The following TPD52 variants were observed in gnomAD, a reference collection of about 807,000 sequenced individuals.
The protein encoded by TPD52 is tumor protein D52.
Under a neutral mutation model 31.3 loss-of-function variants are expected in TPD52, and 17 were observed. The ratio of observed to expected loss-of-function variants is 0.54; its 90% CI spans 0.37 to 0.82. The LOEUF is 0.82. TPD52 is among the 40% of genes least tolerant of loss of function. TPD52 has a pLI of 0.00. For synonymous variants in TPD52, 83 were observed against 89.6 expected (o/e 0.93, Z 0.42); for missense variants, 212 against 240.1 (o/e 0.88, Z 0.77).
At chr8:80,146,446 T>C (rs1483122042) in intron 1 of TPD52, among the ~76,000 whole-genome samples, 2 of 152,220 alleles carry the variant, frequency 1.3e-5, no homozygotes, top group East Asian at 1.9e-4. Flanking sequence ...CATTTATGAT[T>C]TTCCTAGCAA....
chr8:80,130,966 A>G (rs1808977294), intron 1 of TPD52, among the ~76,000 whole-genome samples: 1 of 152,242 alleles, frequency 6.6e-6, no homozygotes, highest in African/African-American at 2.4e-5. Context: ...TCTAGGAAGA[A>G]AGTAATTTAC....
chr8:80,128,507 A>C (rs1294123269), intron 1 of TPD52, among the ~76,000 whole-genome samples: 1 of 149,996 alleles, frequency 6.7e-6, no homozygotes, highest in Non-Finnish European at 1.5e-5. Context: ...AAAAAAAAAA[A>C]AAAAATGCTG....
intron 2 of TPD52, among the ~76,000 whole-genome samples, chr8:80,054,950 G>T (rs1811723711): frequency 6.6e-6 from 1 of 152,104 alleles, no homozygotes; most frequent in South Asian, 2.1e-4. Flanking sequence ...AAAGAATAAG[G>T]TTCAAAATTA....
intron 2 of TPD52, 66 bp from the exon 3 acceptor site, chr8:80,053,496 C>T (rs138854603): frequency 6.6e-7 from 1 of 1,508,086 alleles, no homozygotes; most frequent in African/African-American, 1.4e-5. Context: ...ATTATTACCA[C>T]AGAACTACAT....
At chr8:80,093,795 C>G (rs1267517505) in intron 1 of TPD52, among the ~76,000 whole-genome samples, 1 of 152,208 alleles carries the variant, frequency 6.6e-6, no homozygotes, top group African/African-American at 2.4e-5. Flanking sequence ...GCTTCACCAT[C>G]TGAACCTGCT....
In TPD52 at chr8:80,110,127, C is replaced by T. The variant is rs142454361; in HGVS notation, c.20-45534G>A. On this transcript the variant is annotated intron_variant, in intron 1 of 7. Coordinates refer to ENST00000518937, the MANE Select transcript of TPD52 (RefSeq NM_001025253.3). ...CTAATCACCCTCTGGACTCAGAGACCGAATTTATGATTTGTTCTTATCATT... is the reference window on the plus strand; with the variant it reads ...CTAATCACCCTCTGGACTCAGAGACTGAATTTATGATTTGTTCTTATCATT... 9.1e-3 allele frequency among the ~76,000 whole-genome samples: 1,390 copies of T among 152,164 alleles called. 15 individuals carry two copies. Among genetic ancestry groups the T allele is most frequent in the Non-Finnish European group, 0.014 (962 of 67,994 alleles).
chr8:80,106,459 C>A (rs1393919084), intron 1 of TPD52, among the ~76,000 whole-genome samples: 1 of 152,056 alleles, frequency 6.6e-6, no homozygotes, highest in East Asian at 1.9e-4. Flanking sequence ...CGGGTTCACG[C>A]CATTCTCCTG....
At chr8:80,114,973 G>GGCCC (rs1380051680) in intron 1 of TPD52, among the ~76,000 whole-genome samples, 20 of 152,230 alleles carry the variant, frequency 1.3e-4, no homozygotes, top group African/African-American at 4.6e-4. Context: ...GCTAACTGAG[G>GGCCC]GCCCTGATGG....
At chr8:80,068,411 C>T (rs1813404266) in intron 1 of TPD52, among the ~76,000 whole-genome samples, 1 of 152,144 alleles carries the variant, frequency 6.6e-6, no homozygotes, top group Admixed American at 6.5e-5. Context: ...TCCATAGAAA[C>T]GTTTTACTTT....
chr8:80,151,568 CA>C (rs1810569786), intron 1 of TPD52, among the ~76,000 whole-genome samples: 2 of 152,064 alleles, frequency 1.3e-5, no homozygotes, highest in Admixed American at 1.3e-4. Context: ...AGTAGATCCC[CA>C]AAAAAAGATC....
At chr8:80,058,775 G>T (rs979423359) in intron 2 of TPD52, among the ~76,000 whole-genome samples, 1 of 152,138 alleles carries the variant, frequency 6.6e-6, no homozygotes, top group Non-Finnish European at 1.5e-5. Flanking sequence ...TCCAGCCTGG[G>T]CAACAACAGA....
At chr8:80,099,363 A>C (rs1371477228) in intron 1 of TPD52, among the ~76,000 whole-genome samples, 2 of 152,200 alleles carry the variant, frequency 1.3e-5, no homozygotes, top group Non-Finnish European at 2.9e-5. Context: ...CATTTATGAA[A>C]AAACAAACAA....
intron 1 of TPD52, among the ~76,000 whole-genome samples, chr8:80,150,926 C>A (rs1810527932): frequency 6.6e-6 from 1 of 152,128 alleles, no homozygotes. Flanking sequence ...CCATTATTGG[C>A]TTTGCAATGT....
intron 1 of TPD52, among the ~76,000 whole-genome samples, chr8:80,119,002 G>A (rs1332604307): frequency 5.3e-5 from 8 of 152,130 alleles, no homozygotes; most frequent in Non-Finnish European, 8.8e-5. Context: ...TAGTTAAAAA[G>A]TAAAAACAAC....
In TPD52 at chr8:80,064,663, T is replaced by G. The variant is rs182884435; in HGVS notation, c.20-70A>C. Reference sequence around the variant, plus strand: ...AAAATCCCTATTTAAGCTCCTCCACTGTCCTAGCCAGAATAAAGCCAATTA... The same window carrying G: ...AAAATCCCTATTTAAGCTCCTCCACGGTCCTAGCCAGAATAAAGCCAATTA... On this transcript the variant is annotated intron_variant, in intron 1 of 7. Transcript: ENST00000518937. 8.8e-4 allele frequency: 982 copies of G among 1,115,302 alleles called. 13 individuals carry two copies. In the African/African-American group the frequency reaches 0.014, roughly 16 times the overall value. The allele number at this position is 1,115,302 out of a possible 1,614,324, so 69.1% of individuals were successfully genotyped here. A position where few individuals can be genotyped will look rare whatever the true frequency, so the allele number is the denominator to read the frequency against.
At chr8:80,101,312 G>T (rs1202491953) in intron 1 of TPD52, among the ~76,000 whole-genome samples, 1 of 152,120 alleles carries the variant, frequency 6.6e-6, no homozygotes, top group East Asian at 1.9e-4. Flanking sequence ...GCCAGATGTG[G>T]TGGCACATGC....
chr8:80,031,806 A>G (rs998871889), downstream of TPD52, among the ~76,000 whole-genome samples: 25 of 152,072 alleles, frequency 1.6e-4, no homozygotes, highest in African/African-American at 5.6e-4. Context: ...GCAGTGAGCT[A>G]TGTTCCTGCC....
intron 2 of TPD52, among the ~76,000 whole-genome samples, chr8:80,053,705 A>G (rs1293488929): frequency 6.6e-6 from 1 of 151,996 alleles, no homozygotes; most frequent in Non-Finnish European, 1.5e-5. Flanking sequence ...TTACTCAGCT[A>G]TCTCATGTAG....
At position 80,171,532 on chromosome 8, in the gene TPD52, C is replaced by T; in HGVS notation, c.-89G>A. Reference sequence around the variant, plus strand: ...TCGCCCGCCGCGCCGCGCAGAGCTCCTCCTCGCCTCCGCCGGCGACTCCCG... The same window carrying T: ...TCGCCCGCCGCGCCGCGCAGAGCTCTTCCTCGCCTCCGCCGGCGACTCCCG... On this transcript the variant is annotated 5_prime_UTR_variant, in exon 1 of 8. Coordinates refer to ENST00000518937, the MANE Select transcript of TPD52 (RefSeq NM_001025253.3). The T allele has an allele frequency of 7.1e-7, 1 of 1,418,034 alleles. No homozygotes were observed. The highest frequency in any genetic ancestry group is 1.5e-5 in the South Asian group (1 of 66,018). 87.8% of individuals were successfully genotyped at this position (1,418,034 alleles called of 1,614,324 possible).
Sources: gnomAD v4.1 joint callset for allele counts (sites outside exome capture counted in the v4.1 genomes callset) on GRCh38, gnomAD v4.1.1 for gene constraint, MANE v1.5 for transcripts, NCBI Gene and HGNC (gene_info 2026-07-23, HGNC 2026-07-21) for gene names.